RBMS1: variants seen among roughly 807,000 people sequenced by gnomAD.
The protein encoded by RBMS1 is RNA-binding motif, single-stranded-interacting protein 1.
Under a neutral mutation model 62.3 loss-of-function variants are expected in RBMS1, and 17 were observed. The observed-to-expected ratio is 0.27, with a 90% CI of 0.19 to 0.41. The LOEUF (loss-of-function observed/expected upper bound fraction) is 0.41. RBMS1 is among the 10% of genes least tolerant of loss of function. RBMS1 has a pLI of 1.00. For missense variants in RBMS1, 334 were observed against 504.5 expected, an observed-to-expected ratio of 0.66 and a Z score of 3.24; for synonymous variants, 172 against 170.0, an observed-to-expected ratio of 1.01 and a Z score of -0.09.
intron 1 of RBMS1, among the ~76,000 whole-genome samples, chr2:160,437,837 G>A (rs4664327): frequency 0.5 from 76,714 of 152,052 alleles, 20,469 homozygotes; most frequent in Admixed American, 0.63. Context: ...TTTTTCTAAA[G>A]TCAAGTTCCA....
At chr2:160,403,811 T>C (rs1695553178) in intron 1 of RBMS1, among the ~76,000 whole-genome samples, 1 of 152,166 alleles carries the variant, frequency 6.6e-6, no homozygotes, top group African/African-American at 2.4e-5. Flanking sequence ...CAAAGTATGG[T>C]TGGTTTGTAA....
At chr2:160,344,901 G>A (rs930754030) in intron 2 of RBMS1, among the ~76,000 whole-genome samples, 2 of 151,950 alleles carry the variant, frequency 1.3e-5, no homozygotes, top group South Asian at 2.1e-4. Flanking sequence ...AAAAAGTGAC[G>A]TATCATCTTT....
intron 3 of RBMS1, among the ~76,000 whole-genome samples, chr2:160,315,378 T>A (rs1690156448): frequency 6.6e-6 from 1 of 152,190 alleles, no homozygotes; most frequent in African/African-American, 2.4e-5. Flanking sequence ...TAAATAGGTG[T>A]AAAGACGTTT....
intron 2 of RBMS1, among the ~76,000 whole-genome samples, chr2:160,341,648 GT>G (rs1371119294): frequency 1.3e-5 from 2 of 152,288 alleles, no homozygotes; most frequent in East Asian, 3.9e-4. Context: ...CATTGTCCCT[GT>G]TTTTAGGGAC....
intron 1 of RBMS1, among the ~76,000 whole-genome samples, chr2:160,449,043 A>C (rs1683820934): frequency 6.7e-6 from 1 of 149,702 alleles, no homozygotes; most frequent in Admixed American, 6.7e-5. Flanking sequence ...AGAAGTGAGG[A>C]GCCCCTCCGC....
chr2:160,288,232 G>A (rs1012022774), intron 6 of RBMS1, among the ~76,000 whole-genome samples: 1 of 152,118 alleles, frequency 6.6e-6, no homozygotes, highest in Non-Finnish European at 1.5e-5. Flanking sequence ...GTCTACTGTA[G>A]AACCATGATT....
At chr2:160,475,408 C>G (rs1685083284) in intron 1 of RBMS1, among the ~76,000 whole-genome samples, 1 of 152,184 alleles carries the variant, frequency 6.6e-6, no homozygotes. Context: ...ATAACTGGTC[C>G]ACATGGGCTT....
At chr2:160,339,725 T>C (rs913128388) in intron 2 of RBMS1, among the ~76,000 whole-genome samples, 2 of 152,030 alleles carry the variant, frequency 1.3e-5, no homozygotes, top group Non-Finnish European at 2.9e-5. Context: ...TACACACACA[T>C]ACACATACAT....
chr2:160,396,865 A>G (rs116630588), intron 1 of RBMS1, among the ~76,000 whole-genome samples: 15,010 of 152,074 alleles, frequency 0.099, 1,015 homozygotes, highest in East Asian at 0.25. Flanking sequence ...GCCCAGCCGT[A>G]GGGAATGTCT....
At chr2:160,375,559 T>G (rs1693952538) in intron 1 of RBMS1, among the ~76,000 whole-genome samples, 2 of 152,186 alleles carry the variant, frequency 1.3e-5, no homozygotes, top group Non-Finnish European at 2.9e-5. Context: ...CATCTTTGTG[T>G]TTCAACGTGT....
intron 1 of RBMS1, among the ~76,000 whole-genome samples, chr2:160,467,330 G>GC (rs1684738384): frequency 6.6e-6 from 1 of 152,146 alleles, no homozygotes; most frequent in Admixed American, 6.5e-5. Context: ...TTTAGTGAGA[G>GC]CCAAGGAGAA....
At position 160,367,263 on chromosome 2, in the gene RBMS1, T is replaced by A; in HGVS notation, c.204A>T (p.Gly68=). 1.9e-6 allele frequency: 3 copies of A among 1,613,922 alleles called. No homozygotes were observed. Among genetic ancestry groups the A allele is most frequent in the South Asian group, 1.1e-5 (1 of 91,056 alleles). ...QLSKTNLYIR[G]LPPHTTDQDL... is the part of the protein sequence containing the mutation. ...CCTGGTCGGTGGTGTGGGGAGGCAG[T>A]CCTCGGATATAGAGGTTCGTTTTGC... is the stretch of plus-strand genomic sequence containing the variant. Residue 68 remains glycine, a synonymous_variant, in exon 2 of 14, where the codon GGA becomes GGT. Transcript: ENST00000348849.
intron 1 of RBMS1, among the ~76,000 whole-genome samples, chr2:160,482,610 T>A (rs1011383595): frequency 2.0e-5 from 3 of 152,202 alleles, no homozygotes; most frequent in African/African-American, 7.2e-5. Context: ...GATTTGCTAA[T>A]AGAAGAACTA....
chr2:160,397,041 T>C (rs915629952), intron 1 of RBMS1, among the ~76,000 whole-genome samples: 15 of 152,180 alleles, frequency 9.9e-5, no homozygotes, highest in African/African-American at 3.6e-4. Flanking sequence ...TTTCAGAGCA[T>C]ACTCATCTTA....
At chr2:160,373,576 A>C (rs1253551695) in intron 1 of RBMS1, among the ~76,000 whole-genome samples, 1 of 152,206 alleles carries the variant, frequency 6.6e-6, no homozygotes, top group Non-Finnish European at 1.5e-5. Context: ...GGAAACACAC[A>C]AGAGTTTTTG....
chr2:160,450,564 G>GAAAAAAAAAAAAAAAAAAAAAAAAAATAA (rs1181640365), intron 1 of RBMS1, among the ~76,000 whole-genome samples: 1 of 56,580 alleles, frequency 1.8e-5, no homozygotes, highest in South Asian at 5.4e-4. Context: ...AATAAAAAAT[G>GAAAAAAAAAAAAAAAAAAAAAAAAAATAA]AAAAAAAAAA....
chr2:160,291,747 G>C (rs1356345977), intron 6 of RBMS1, among the ~76,000 whole-genome samples: 1 of 152,120 alleles, frequency 6.6e-6, no homozygotes, highest in African/African-American at 2.4e-5. Context: ...CTTTGCTCCT[G>C]CTGGGTTTGA....
chr2:160,423,672 C>T lies in RBMS1; in HGVS notation c.76-56281G>A, dbSNP rs1289779044. Among the ~76,000 whole-genome samples, 3 of 152,130 alleles carry T rather than the reference C, an allele frequency of 2.0e-5. No homozygotes were observed. In the East Asian group the frequency reaches 5.8e-4, roughly 29 times the overall value. ...GGTTCTTTTCCACGTATGATCTCAC[C>T]CACAACTAACATTTCAGTAATCACC... On this transcript the variant is annotated intron_variant, in intron 1 of 13. Coordinates refer to ENST00000348849, the MANE Select transcript of RBMS1 (RefSeq NM_016836.4).
chr2:160,300,631 G>C lies in RBMS1; in HGVS notation c.640+20C>G, dbSNP rs1330434031. The C allele has an allele frequency of 3.8e-6, 6 of 1,583,610 alleles. No homozygotes were observed. The highest frequency in any genetic ancestry group is 4.3e-6 in the Non-Finnish European group (5 of 1,168,544). ...CATCATATAGAAGACTACTGATGAA[G>C]TTTCAGACAAACAACATACCAGAAA... On this transcript the variant is annotated intron_variant, in intron 6 of 13. Coordinates refer to ENST00000348849, the MANE Select transcript of RBMS1 (RefSeq NM_016836.4).
Sources: allele counts gnomAD v4.1 joint callset (sites outside exome capture counted in the v4.1 genomes callset), GRCh38; gene constraint gnomAD v4.1.1; transcripts MANE v1.5; gene names NCBI Gene and HGNC (gene_info 2026-07-23, HGNC 2026-07-21).